Variants in USP26 observed in about 807,000 individuals in gnomAD.
USP26 encodes ubiquitin carboxyl-terminal hydrolase 26.
For synonymous variants in USP26, 236 were observed against 240.6 expected, an observed-to-expected ratio of 0.98 and a Z score of 0.18; for missense variants, 649 against 642.3, an observed-to-expected ratio of 1.01 and a Z score of -0.11.
At chrX:133,053,725 A>C (rs760911829) in intron 5 of USP26, among the ~76,000 whole-genome samples, 1 of 111,460 alleles carries the variant, frequency 9.0e-6, no homozygotes, top group African/African-American at 3.3e-5. Context: ...CAAAGCAGGG[A>C]GATCTCTTAG....
At position 133,026,460 on chromosome X, in the gene USP26, T is replaced by C; in HGVS notation, c.1761A>G (p.Ser587=). 11 of 1,209,060 alleles carry C rather than the reference T, an allele frequency of 9.1e-6. No homozygotes were observed. Among genetic ancestry groups the C allele is most frequent in the Non-Finnish European group, 1.2e-5 (11 of 894,834 alleles). The part of the protein sequence containing the change: ...RKMTSGNISV[S]WPATKESKDI... Reference sequence around the variant, plus strand: ...CTTTGGATTCCTTTGTTGCAGGCCATGATACACTGATGTTTCCAGAAGTCA... The same window carrying C: ...CTTTGGATTCCTTTGTTGCAGGCCACGATACACTGATGTTTCCAGAAGTCA... The change falls in exon 6 of 6, where the codon TCA becomes TCG. Residue 587 remains serine (S), a synonymous_variant. Transcript: ENST00000511190.
In USP26 at chrX:133,026,028, T is replaced by C; in HGVS notation, c.2193A>G (p.Arg731=). The C allele has an allele frequency of 8.3e-7, 1 of 1,210,508 alleles. No individual in the cohort carries two copies. Among genetic ancestry groups the C allele is most frequent in the Non-Finnish European group, 1.1e-6 (1 of 894,556 alleles). Residue 731 remains arginine, a synonymous_variant, in exon 6 of 6, where the codon AGA becomes AGG. Coordinates refer to ENST00000511190, the MANE Select transcript of USP26 (RefSeq NM_031907.3). Reference sequence around the variant, plus strand: ...GAGTCTGTTCAGACACTTTTTGGAATCTTTCTGGAATTCTGATATTTTTAT... The same window carrying C: ...GAGTCTGTTCAGACACTTTTTGGAACCTTTCTGGAATTCTGATATTTTTAT... ...YEDKNIRIPE[R]FQKVSEQTQQ... is the part of the protein sequence containing the mutation.
At chrX:133,073,280 A>G in intron 5 of USP26, among the ~76,000 whole-genome samples, 1 of 96,794 alleles carries the variant, frequency 1.0e-5, no homozygotes, top group Admixed American at 1.2e-4. Context: ...CTCCATGCTT[A>G]TTTGCTGAGT....
intron 5 of USP26, among the ~76,000 whole-genome samples, chrX:133,067,794 A>T (rs1454587543): frequency 2.7e-5 from 3 of 111,791 alleles, no homozygotes; most frequent in Non-Finnish European, 5.6e-5. Flanking sequence ...AACCTAGATG[A>T]TGTGTTGATA....
chrX:133,051,805 C>G (rs1165266413), intron 5 of USP26, among the ~76,000 whole-genome samples: 1 of 112,219 alleles, frequency 8.9e-6, no homozygotes, highest in Non-Finnish European at 1.9e-5. Context: ...TCAAACATGC[C>G]TAAATGATTC....
At chrX:133,048,824 G>T (rs1346711823) in intron 5 of USP26, among the ~76,000 whole-genome samples, 1 of 111,815 alleles carries the variant, frequency 8.9e-6, no homozygotes, top group Non-Finnish European at 1.9e-5. Context: ...TGGATTACAG[G>T]CGTGAGCCAC....
At chrX:133,066,101 T>A (rs2067510748) in intron 5 of USP26, among the ~76,000 whole-genome samples, 1 of 111,148 alleles carries the variant, frequency 9.0e-6, no homozygotes, top group African/African-American at 3.3e-5. Flanking sequence ...GAGAGCCAAA[T>A]CATGAGTGAA....
chrX:133,054,261 AC>A (rs748539019), intron 5 of USP26, among the ~76,000 whole-genome samples: 3 of 111,256 alleles, frequency 2.7e-5, no homozygotes, highest in Non-Finnish European at 5.7e-5. Flanking sequence ...ATGGGGTTTG[AC>A]CGGGTGGGAG....
At chrX:133,091,485 G>C (rs914972756) in intron 1 of USP26, 42 bp from the exon 2 acceptor site, 10 of 112,297 alleles carry the variant, frequency 8.9e-5, no homozygotes, top group Admixed American at 8.5e-4. Context: ...GAACTTTGGT[G>C]TTAAAAAGTC....
intron 5 of USP26, among the ~76,000 whole-genome samples, chrX:133,058,288 A>G (rs1038664769): frequency 1.5e-4 from 17 of 110,903 alleles, no homozygotes; most frequent in Admixed American, 4.8e-4. Flanking sequence ...TATAAATGTC[A>G]ATTAGATCAA....
At position 133,064,469 on chromosome X, in the gene USP26, A is replaced by T. The variant is rs1021094387; in HGVS notation, c.-77+19238T>A. On this transcript the variant is annotated intron_variant, in intron 5 of 5. Transcript: ENST00000511190. ...TCACACTTATTCTAAAATCGACCAC[A>T]TAATTGGAAGTAAAACACTCCACAA... Among the ~76,000 whole-genome samples, 6 of 111,955 alleles carry T rather than the reference A, an allele frequency of 5.4e-5. 1 individual carries two copies. In the East Asian group the frequency reaches 1.7e-3, roughly 31 times the overall value.
intron 4 of USP26, among the ~76,000 whole-genome samples, chrX:133,085,847 A>T (rs1038615032): frequency 9.0e-6 from 1 of 111,381 alleles, no homozygotes; most frequent in Non-Finnish European, 1.9e-5. Context: ...GGAAAAAAAA[A>T]AATCAATTCC....
chrX:133,082,306 T>A (rs2067572886), intron 5 of USP26, among the ~76,000 whole-genome samples: 2 of 112,107 alleles, frequency 1.8e-5, no homozygotes, highest in Admixed American at 9.5e-5. Flanking sequence ...TTATTCCATG[T>A]TTCCTGATCC....
chrX:133,093,297 A>G (rs1602993782), intron 1 of USP26, among the ~76,000 whole-genome samples: 1 of 111,182 alleles, frequency 9.0e-6, no homozygotes, highest in South Asian at 3.8e-4. Flanking sequence ...TCTCAAAAAA[A>G]CAAAAAGTAA....
At chrX:133,084,582 C>T (rs904979119) in intron 4 of USP26, among the ~76,000 whole-genome samples, 2 of 100,330 alleles carry the variant, frequency 2.0e-5, no homozygotes, top group Non-Finnish European at 4.0e-5. Flanking sequence ...GGTGCGATCT[C>T]GGCTCATGGC....
rs138385391 is a variant in USP26, at chrX:133,026,484, C to T, written c.1737G>A (p.Met579Ile). 4.9e-3 allele frequency: 5,888 copies of T among 1,204,836 alleles called. 18 individuals carry two copies. Among genetic ancestry groups the T allele is most frequent in the Middle Eastern group, 0.014 (61 of 4,344 alleles). The change falls in exon 6 of 6, where the codon ATG (methionine) becomes ATA (isoleucine). Residue 579 changes from methionine to isoleucine, a missense_variant. Coordinates refer to ENST00000511190, the MANE Select transcript of USP26 (RefSeq NM_031907.3). Reference sequence around the variant, plus strand: ...ATGATACACTGATGTTTCCAGAAGTCATCTTTCGAATAACTTTTAATAATT... The same window carrying T: ...ATGATACACTGATGTTTCCAGAAGTTATCTTTCGAATAACTTTTAATAATT... The part of the protein sequence containing the change: ...DFQLLKVIRK[M>I]TSGNISVSWP...
chrX:133,034,922 G>A (rs933795455), intron 5 of USP26, among the ~76,000 whole-genome samples: 4 of 111,569 alleles, frequency 3.6e-5, no homozygotes, highest in East Asian at 2.8e-4. Context: ...GCATTTCCCC[G>A]ATTCCCATGT....
chrX:133,052,992 C>T (rs1262076554), intron 5 of USP26, among the ~76,000 whole-genome samples: 1 of 111,678 alleles, frequency 9.0e-6, no homozygotes, highest in Non-Finnish European at 1.9e-5. Context: ...AAAGAAAATA[C>T]TATATGTGAA....
At chrX:133,089,290 T>A (rs186792274) in intron 4 of USP26, among the ~76,000 whole-genome samples, 6 of 111,948 alleles carry the variant, frequency 5.4e-5, no homozygotes, top group Non-Finnish European at 7.5e-5. Flanking sequence ...TAATCCTCCA[T>A]TTCTTACGTT....
Sources: allele counts gnomAD v4.1 joint callset (sites outside exome capture counted in the v4.1 genomes callset), GRCh38; gene constraint gnomAD v4.1.1; transcripts MANE v1.5; gene names NCBI Gene and HGNC (gene_info 2026-07-23, HGNC 2026-07-21).